INPP5A: variants seen among roughly 807,000 people sequenced by gnomAD.
INPP5A encodes 43 kDa inositol polyphosphate 5-phophatase.
Under a neutral mutation model 65.2 loss-of-function variants are expected in INPP5A, and 14 were observed. The observed-to-expected ratio is 0.21, with a 90% CI of 0.14 to 0.34. The LOEUF (loss-of-function observed/expected upper bound fraction) is 0.34. Ranked by LOEUF, INPP5A falls within the 10% of genes least tolerant of loss-of-function variation. The pLI, the probability that INPP5A is intolerant of heterozygous loss-of-function variation, is 1.00. For missense variants in INPP5A, 431 were observed against 545.6 expected, an observed-to-expected ratio of 0.79 and a Z score of 2.09; for synonymous variants, 207 against 208.3, an observed-to-expected ratio of 0.99 and a Z score of 0.05.
chr10:132,623,264 A>G (rs181265472), intron 2 of INPP5A, among the ~76,000 whole-genome samples: 2 of 152,384 alleles, frequency 1.3e-5, no homozygotes, highest in Non-Finnish European at 1.5e-5. Context: ...AGCTGAAGCA[A>G]TCACAACAGT....
intron 2 of INPP5A, among the ~76,000 whole-genome samples, chr10:132,613,240 C>T (rs1366243504): frequency 6.6e-6 from 1 of 152,140 alleles, no homozygotes; most frequent in African/African-American, 2.4e-5. Flanking sequence ...GCCCCTGGAA[C>T]GCCACGGCCC....
Position 132,704,457 on chromosome 10 carries a change from T to C in INPP5A, c.475-3856T>C, listed in dbSNP as rs1845499654. On this transcript the variant is annotated intron_variant, in intron 6 of 15. Coordinates refer to ENST00000368594, the MANE Select transcript of INPP5A (RefSeq NM_005539.5). This position sits in a 1 kb window ranked among gnomAD's most constrained non-coding sequence, Gnocchi z 4.5. ...TTCTGGTCGGCCCGAGGGTTGGGTGTGTGCCTGTGTGTTGGACGCCAGCCC... is the reference window on the plus strand; with the variant it reads ...TTCTGGTCGGCCCGAGGGTTGGGTGCGTGCCTGTGTGTTGGACGCCAGCCC... Among the ~76,000 whole-genome samples, 2 of 152,236 alleles carry C rather than the reference T, an allele frequency of 1.3e-5. No homozygotes were observed. Among genetic ancestry groups the C allele is most frequent in the Admixed American group, 1.3e-4 (2 of 15,288 alleles).
At chr10:132,713,893 C>G (rs540789784) in intron 8 of INPP5A, among the ~76,000 whole-genome samples, 1 of 152,302 alleles carries the variant, frequency 6.6e-6, no homozygotes, top group African/African-American at 2.4e-5. Flanking sequence ...TTGTCAGCGA[C>G]AAAGTGACTG....
intron 1 of INPP5A, among the ~76,000 whole-genome samples, chr10:132,552,150 A>G (rs1178038627): frequency 3.3e-5 from 5 of 151,282 alleles, no homozygotes; most frequent in Admixed American, 1.3e-4. Context: ...CCTTGGTGGC[A>G]TATTGAGTGG....
intron 1 of INPP5A, among the ~76,000 whole-genome samples, chr10:132,574,860 G>A (rs971257099): frequency 6.6e-6 from 1 of 151,942 alleles, no homozygotes; most frequent in Non-Finnish European, 1.5e-5. Flanking sequence ...CTGGAATGTG[G>A]TTTCTGTGAG....
At chr10:132,712,252 TTATG>T (rs775021693) in intron 8 of INPP5A, among the ~76,000 whole-genome samples, 37 of 152,046 alleles carry the variant, frequency 2.4e-4, no homozygotes, top group African/African-American at 3.1e-4. Flanking sequence ...GTGCATGCAA[TTATG>T]TATGTAATTG....
rs376151282 is a variant in INPP5A at position 132,716,154 on chromosome 10, C to T, written c.647+5698C>T. On this transcript the variant is annotated intron_variant, in intron 8 of 15. Coordinates refer to ENST00000368594, the MANE Select transcript of INPP5A (RefSeq NM_005539.5). Reference sequence around the variant, plus strand: ...GCAGGGGCAGCGCCTGCACCCGCCACGCACCCTGCACGTTCTCCGCATGTT... The same window carrying T: ...GCAGGGGCAGCGCCTGCACCCGCCATGCACCCTGCACGTTCTCCGCATGTT... Among the ~76,000 whole-genome samples, 19 of 152,324 alleles carry T rather than the reference C, an allele frequency of 1.2e-4. No homozygotes were observed. In the South Asian group the frequency reaches 1.5e-3, roughly 12 times the overall value.
At chr10:132,696,902 T>C (rs1845353371) in intron 5 of INPP5A, among the ~76,000 whole-genome samples, 1 of 152,218 alleles carries the variant, frequency 6.6e-6, no homozygotes. Flanking sequence ...CCCACCCCAG[T>C]GGTGACCCAG....
intron 2 of INPP5A, among the ~76,000 whole-genome samples, chr10:132,625,541 C>G (rs999551386): frequency 3.3e-5 from 5 of 152,064 alleles, no homozygotes; most frequent in African/African-American, 7.2e-5. Flanking sequence ...CTTTGGGAGC[C>G]CCTTGAGGCA....
intron 9 of INPP5A, among the ~76,000 whole-genome samples, chr10:132,735,248 C>T (rs770406267): frequency 4.6e-5 from 7 of 152,244 alleles, no homozygotes; most frequent in Non-Finnish European, 8.8e-5. Context: ...ACCCAGCCTC[C>T]ACCCTGGGTT....
intron 4 of INPP5A, among the ~76,000 whole-genome samples, chr10:132,685,261 A>C (rs1325373331): frequency 6.6e-6 from 1 of 152,184 alleles, no homozygotes. Context: ...TCCCAGTGGC[A>C]GAATGCAGTG....
At chr10:132,719,324 C>T (rs1448247436) in intron 8 of INPP5A, among the ~76,000 whole-genome samples, 1 of 149,822 alleles carries the variant, frequency 6.7e-6, no homozygotes, top group Non-Finnish European at 1.5e-5. Context: ...AGGCGGCTGT[C>T]TTCAGGGTTC....
intron 5 of INPP5A, among the ~76,000 whole-genome samples, chr10:132,692,886 G>A (rs1435484613): frequency 6.6e-6 from 1 of 152,078 alleles, no homozygotes; most frequent in African/African-American, 2.4e-5. Flanking sequence ...ATAAGTGAAG[G>A]TAAAATGAAA....
chr10:132,586,620 G>T (rs2071548297), intron 1 of INPP5A, among the ~76,000 whole-genome samples: 1 of 152,266 alleles, frequency 6.6e-6, no homozygotes, highest in Non-Finnish European at 1.5e-5. Flanking sequence ...GGGCTCCTGT[G>T]AAGTCACTGG....
chr10:132,662,279 A>G (rs1302270264), intron 4 of INPP5A, among the ~76,000 whole-genome samples: 3 of 152,222 alleles, frequency 2.0e-5, no homozygotes, highest in African/African-American at 7.2e-5. Context: ...CGTATCACCC[A>G]GCCGTTTCCC....
At chr10:132,618,455 A>C (rs2072069845) in intron 2 of INPP5A, among the ~76,000 whole-genome samples, 1 of 152,206 alleles carries the variant, frequency 6.6e-6, no homozygotes, top group African/African-American at 2.4e-5. Context: ...AGATAACCCA[A>C]ATAGGTGAGC....
intron 2 of INPP5A, among the ~76,000 whole-genome samples, chr10:132,612,256 T>G (rs1362488993): frequency 1.5e-3 from 174 of 114,504 alleles, no homozygotes; most frequent in Middle Eastern, 6.7e-3. Flanking sequence ...GGAGGTGAGG[T>G]GGGCAGGGGA....
intron 2 of INPP5A, among the ~76,000 whole-genome samples, chr10:132,640,749 G>C (rs193084279): frequency 6.6e-6 from 1 of 152,200 alleles, no homozygotes; most frequent in African/African-American, 2.4e-5. Context: ...TAGTTGATGC[G>C]TGTCTCTGTA....
intron 11 of INPP5A, among the ~76,000 whole-genome samples, chr10:132,755,929 A>G (rs1022020731): frequency 6.6e-6 from 1 of 152,200 alleles, no homozygotes; most frequent in African/African-American, 2.4e-5. Context: ...AACGTTTGGC[A>G]CATGTACCTG....
Sources: gnomAD v4.1 joint callset for allele counts (sites outside exome capture counted in the v4.1 genomes callset) on GRCh38, gnomAD v4.1.1 for gene constraint, Gnocchi (gnomAD v3.1) non-coding constraint, MANE v1.5 for transcripts, NCBI Gene and HGNC (gene_info 2026-07-23, HGNC 2026-07-21) for gene names.